The following PCDH15 variants were observed in gnomAD, a reference collection of about 807,000 sequenced individuals.
PCDH15 encodes the protein protocadherin-15.
Under a neutral mutation model 178.5 loss-of-function variants are expected in PCDH15, and 129 were observed. The ratio of observed to expected loss-of-function variants is 0.72; its 90% CI spans 0.63 to 0.84. The LOEUF (loss-of-function observed/expected upper bound fraction) is 0.84, where lower values mean the gene tolerates loss of function less well. PCDH15 is among the 40% of genes least tolerant of loss of function. The pLI, the probability that PCDH15 is intolerant of heterozygous loss-of-function variation, is 0.00. For missense variants in PCDH15, 2,230 were observed against 2,099.9 expected, an observed-to-expected ratio of 1.06 and a Z score of -1.21; for synonymous variants, 800 against 732.0, an observed-to-expected ratio of 1.09 and a Z score of -1.50.
chr10:54,993,957 T>C (rs74136318), intron 2 of PCDH15, among the ~76,000 whole-genome samples: 12,692 of 152,128 alleles, frequency 0.083, 930 homozygotes, highest in African/African-American at 0.19. Context: ...TAACATTTTT[T>C]CAAACACTTT....
At chr10:53,906,167 A>T (rs1403068826) in intron 25 of PCDH15, among the ~76,000 whole-genome samples, 1 of 152,072 alleles carries the variant, frequency 6.6e-6, no homozygotes, top group African/African-American at 2.4e-5. Flanking sequence ...AGTTGTGAAA[A>T]AGGTGTTTTC....
chr10:55,002,817 A>T (rs1839824409), intron 2 of PCDH15, among the ~76,000 whole-genome samples: 1 of 152,228 alleles, frequency 6.6e-6, no homozygotes, highest in Non-Finnish European at 1.5e-5. Flanking sequence ...TAAATTAAAC[A>T]TTAATAGCAA....
intron 2 of PCDH15, among the ~76,000 whole-genome samples, chr10:55,538,023 A>C (rs1251599269): frequency 6.6e-6 from 1 of 152,194 alleles, no homozygotes; most frequent in Non-Finnish European, 1.5e-5. Flanking sequence ...TTCAGTTCTA[A>C]ATTAGAACTC....
At chr10:54,119,469 A>G (rs542930117) in intron 15 of PCDH15, among the ~76,000 whole-genome samples, 1 of 152,288 alleles carries the variant, frequency 6.6e-6, no homozygotes, top group Admixed American at 6.5e-5. Flanking sequence ...TTTAAAATGT[A>G]CAATGTCTTC....
At chr10:53,987,001 T>C (rs1487628822) in intron 21 of PCDH15, among the ~76,000 whole-genome samples, 1 of 152,174 alleles carries the variant, frequency 6.6e-6, no homozygotes, top group African/African-American at 2.4e-5. Context: ...CCCACACTTT[T>C]GAAACCACTT....
chr10:54,063,083 G>T (rs925134771), intron 18 of PCDH15, among the ~76,000 whole-genome samples: 3 of 152,104 alleles, frequency 2.0e-5, no homozygotes, highest in Non-Finnish European at 4.4e-5. Flanking sequence ...AGCCTCATAT[G>T]CCTGGTTTAT....
intron 1 of PCDH15, among the ~76,000 whole-genome samples, chr10:55,237,572 T>A (rs1011642323): frequency 2.0e-5 from 3 of 152,118 alleles, no homozygotes; most frequent in African/African-American, 7.2e-5. Flanking sequence ...AATGATTTCC[T>A]TCTTAGTGCA....
At chr10:54,464,849 G>C (rs1157954181) in intron 3 of PCDH15, among the ~76,000 whole-genome samples, 1 of 152,116 alleles carries the variant, frequency 6.6e-6, no homozygotes, top group South Asian at 2.1e-4. Context: ...GCAGGAGACA[G>C]AGAAAGTGAA....
chr10:54,893,636 A>G (rs940555553), intron 3 of PCDH15, among the ~76,000 whole-genome samples: 1 of 152,164 alleles, frequency 6.6e-6, no homozygotes, highest in African/African-American at 2.4e-5. Flanking sequence ...ATCTGAGATT[A>G]AATTAAATTA....
At chr10:53,946,873 G>A (rs1332181005) in intron 23 of PCDH15, among the ~76,000 whole-genome samples, 2 of 152,118 alleles carry the variant, frequency 1.3e-5, no homozygotes, top group African/African-American at 4.8e-5. Flanking sequence ...TGGCTCCCAC[G>A]TTCAAGCAAT....
chr10:54,421,571 G>A (rs1346738035), intron 3 of PCDH15, among the ~76,000 whole-genome samples: 1 of 143,520 alleles, frequency 7.0e-6, no homozygotes, highest in East Asian at 2.0e-4. Flanking sequence ...CGTATAAGAT[G>A]CCTACAAACT....
At chr10:54,572,622 A>G (rs1327124041) in intron 2 of PCDH15, among the ~76,000 whole-genome samples, 1 of 152,108 alleles carries the variant, frequency 6.6e-6, no homozygotes, top group Admixed American at 6.6e-5. Flanking sequence ...AATGTATTAA[A>G]TATGTTTTGA....
intron 2 of PCDH15, among the ~76,000 whole-genome samples, chr10:55,372,651 A>G (rs1023061672): frequency 6.6e-6 from 1 of 152,132 alleles, no homozygotes; most frequent in Non-Finnish European, 1.5e-5. Flanking sequence ...GGCAAAGCCA[A>G]ACTTAAGCCA....
intron 2 of PCDH15, among the ~76,000 whole-genome samples, chr10:55,395,709 G>C (rs1356383739): frequency 6.6e-6 from 1 of 151,916 alleles, no homozygotes; most frequent in Non-Finnish European, 1.5e-5. Flanking sequence ...ATGAAGCCCA[G>C]CTTCTTTGTA....
chr10:55,443,387 A>G (rs1157595580), intron 2 of PCDH15, among the ~76,000 whole-genome samples: 1 of 151,850 alleles, frequency 6.6e-6, no homozygotes, highest in Non-Finnish European at 1.5e-5. Flanking sequence ...GAAATCTATC[A>G]AAGGGCTAAT....
At chr10:54,564,649 T>G (rs2088731716) in intron 2 of PCDH15, among the ~76,000 whole-genome samples, 1 of 152,124 alleles carries the variant, frequency 6.6e-6, no homozygotes, top group African/African-American at 2.4e-5. Context: ...ATTTTTATTG[T>G]TTTTTAGTGA....
chr10:55,092,157 C>T (rs1308392888), intron 2 of PCDH15, among the ~76,000 whole-genome samples: 1 of 151,730 alleles, frequency 6.6e-6, no homozygotes, highest in African/African-American at 2.4e-5. Flanking sequence ...TCTTAATTTT[C>T]CTTGTGCTAA....
chr10:55,134,635 T>C (rs1195982159), intron 2 of PCDH15, among the ~76,000 whole-genome samples: 2 of 152,164 alleles, frequency 1.3e-5, no homozygotes, highest in African/African-American at 4.8e-5. Flanking sequence ...TTGTCTTTTG[T>C]TTTCTGATTG....
intron 15 of PCDH15, among the ~76,000 whole-genome samples, chr10:54,131,443 A>T (rs958074915): frequency 3.3e-5 from 5 of 151,914 alleles, no homozygotes; most frequent in African/African-American, 1.2e-4. Context: ...TTAATATTTG[A>T]TTTTTTCTAT....
Sources: allele counts gnomAD v4.1 joint callset (sites outside exome capture counted in the v4.1 genomes callset), GRCh38; gene constraint gnomAD v4.1.1; transcripts MANE v1.5; gene names NCBI Gene and HGNC (gene_info 2026-07-23, HGNC 2026-07-21).